Variants in TXNL4A observed in about 807,000 individuals in gnomAD.
TXNL4A encodes the protein thioredoxin like 4A.
Under a neutral mutation model 14.6 loss-of-function variants are expected in TXNL4A, and 17 were observed. That is an observed-to-expected ratio of 1.16 (90% CI 0.80 to 1.74). The LOEUF (loss-of-function observed/expected upper bound fraction) is 1.74. TXNL4A is among the 40% of genes most tolerant of loss of function. The pLI, the probability that TXNL4A is intolerant of heterozygous loss-of-function variation, is 0.00. For missense variants in TXNL4A, 74 were observed against 195.2 expected (o/e 0.38, Z 3.70); for synonymous variants, 83 against 70.6 (o/e 1.18, Z -0.88).
intron 1 of TXNL4A, among the ~76,000 whole-genome samples, chr18:80,019,543 T>C (rs1437933555): frequency 6.6e-6 from 1 of 152,184 alleles, no homozygotes; most frequent in Non-Finnish European, 1.5e-5. Flanking sequence ...GTGTTATTTA[T>C]TACCTGATAA....
At chr18:80,017,433 C>T (rs1232374368) in intron 1 of TXNL4A, among the ~76,000 whole-genome samples, 1 of 151,740 alleles carries the variant, frequency 6.6e-6, no homozygotes, top group Non-Finnish European at 1.5e-5. Flanking sequence ...GCATCCCTGT[C>T]TTGTGCCAAT....
rs567821947 is a variant in TXNL4A at position 80,015,489 on chromosome 18, C to T, written c.-61+18362G>A. 3.4e-4 allele frequency among the ~76,000 whole-genome samples: 52 copies of T among 151,822 alleles called. No individual in the cohort carries two copies. In the East Asian group the frequency reaches 8.7e-3, roughly 26 times the overall value. ...ACTCGTCATTTAGCATTAGGTATAT[C>T]TCCTAATGCTATCCCTCCCCCCTAC... On this transcript the variant is annotated intron_variant, in intron 1 of 2. Transcript: ENST00000585474.
At chr18:80,024,470 T>C (rs2051870966) in intron 1 of TXNL4A, among the ~76,000 whole-genome samples, 1 of 140,336 alleles carries the variant, frequency 7.1e-6, no homozygotes, top group Non-Finnish European at 1.7e-5. Context: ...TGCTTGTCTC[T>C]GCTTTGTGTG....
At chr18:80,027,415 C>A (rs2051891956) in intron 1 of TXNL4A, among the ~76,000 whole-genome samples, 1 of 152,032 alleles carries the variant, frequency 6.6e-6, no homozygotes, top group African/African-American at 2.4e-5. Context: ...CCCAATAGTC[C>A]CAAACCACAT....
chr18:79,995,475 G>A (rs1464986487), intron 1 of TXNL4A: 3 of 152,180 alleles, frequency 2.0e-5, no homozygotes, highest in Admixed American at 6.5e-5. Flanking sequence ...TATTTCACAC[G>A]TTTTGATAAA....
At chr18:79,987,608 T>C (rs531479579) in intron 1 of TXNL4A, among the ~76,000 whole-genome samples, 2 of 152,344 alleles carry the variant, frequency 1.3e-5, no homozygotes, top group Non-Finnish European at 2.9e-5. Flanking sequence ...GGTTATAAAA[T>C]AGTGTCCTAC....
At chr18:79,978,023 C>T (rs545105205) in intron 1 of TXNL4A, 4 of 282,974 alleles carry the variant, frequency 1.4e-5, no homozygotes, top group South Asian at 1.1e-4. Context: ...GCAGCAAACA[C>T]GCGGGAAGAT....
At chr18:79,989,959 TCACTC>T (rs1390321807), upstream of TXNL4A, among the ~76,000 whole-genome samples, 1 of 152,080 alleles carries the variant, frequency 6.6e-6, no homozygotes, top group Non-Finnish European at 1.5e-5. Context: ...TCGCACCACT[TCACTC>T]CAGCCTGGGT....
chr18:79,986,655 G>T, intron 1 of TXNL4A: 1 of 985,404 alleles, frequency 1.0e-6, no homozygotes, highest in Non-Finnish European at 1.2e-6. Context: ...AGCTGTGCTC[G>T]GATGTGATGA....
chr18:79,978,752 C>T (rs2051417984), intron 1 of TXNL4A, among the ~76,000 whole-genome samples: 1 of 152,090 alleles, frequency 6.6e-6, no homozygotes, highest in Non-Finnish European at 1.5e-5. Flanking sequence ...CCTTGGCCTC[C>T]CAAAGTGCTG....
intron 1 of TXNL4A, among the ~76,000 whole-genome samples, chr18:80,013,855 A>C (rs551581841): frequency 1.3e-5 from 2 of 151,726 alleles, no homozygotes; most frequent in Non-Finnish European, 2.9e-5. Context: ...TGAAACTAGG[A>C]ACAACAACAA....
intron 1 of TXNL4A, among the ~76,000 whole-genome samples, chr18:79,987,011 G>C (rs2051560476): frequency 6.6e-6 from 1 of 152,156 alleles, no homozygotes; most frequent in Admixed American, 6.5e-5. Context: ...CAAGTCCTCA[G>C]TGTCCAGGAG....
intron 1 of TXNL4A, among the ~76,000 whole-genome samples, chr18:79,981,270 A>G (rs544718564): frequency 6.6e-6 from 1 of 152,400 alleles, no homozygotes; most frequent in South Asian, 2.1e-4. Context: ...TGTGTACTTA[A>G]GAAAAAAGAA....
chr18:79,985,759 T>C (rs2051537638), intron 1 of TXNL4A: 1 of 152,150 alleles, frequency 6.6e-6, no homozygotes, highest in South Asian at 2.1e-4. Flanking sequence ...GGAAAAATCA[T>C]ATCAAGTCCA....
chr18:80,010,330 G>A (rs924819300), intron 1 of TXNL4A, among the ~76,000 whole-genome samples: 6 of 152,070 alleles, frequency 3.9e-5, no homozygotes, highest in South Asian at 2.1e-4. Context: ...TCGAGAACAC[G>A]TGACTCAGCT....
At chr18:80,013,030 G>A (rs1008357894) in intron 1 of TXNL4A, among the ~76,000 whole-genome samples, 11 of 150,296 alleles carry the variant, frequency 7.3e-5, no homozygotes, top group Non-Finnish European at 1.5e-4. Flanking sequence ...CCCTCGCTGC[G>A]ATCTGTTGAA....
At chr18:79,999,518 A>G (rs1426581736) in intron 1 of TXNL4A, among the ~76,000 whole-genome samples, 1 of 148,922 alleles carries the variant, frequency 6.7e-6, no homozygotes, top group Admixed American at 6.7e-5. Context: ...CCTGAGTGAC[A>G]AGAGTGAGAC....
Position 79,988,464 on chromosome 18 carries a change from C to G in TXNL4A, c.-72G>C. Reference sequence around the variant, plus strand: ...GCCCAGCGAGGTGGGCTCAGCCGGCCCCTCACTCCCCGGCCCCCGCCGCCC... The same window carrying G: ...GCCCAGCGAGGTGGGCTCAGCCGGCGCCTCACTCCCCGGCCCCCGCCGCCC... On this transcript the variant is annotated 5_prime_UTR_variant, in exon 1 of 3. Coordinates refer to ENST00000269601, the MANE Select transcript of TXNL4A (RefSeq NM_006701.5). The G allele has an allele frequency of 7.9e-7, 1 of 1,265,738 alleles. No homozygotes were observed. The highest frequency in any genetic ancestry group is 1.0e-6 in the Non-Finnish European group (1 of 1,000,962). The allele number at this position is 1,265,738 out of a possible 1,614,324, so 78.4% of individuals were successfully genotyped here. A position where few individuals can be genotyped will look rare whatever the true frequency, so the allele number is the denominator to read the frequency against.
At chr18:79,977,340 T>C (rs2051394884) in intron 2 of TXNL4A, 1 of 511,170 alleles carries the variant, frequency 2.0e-6, no homozygotes, top group South Asian at 3.2e-5. Flanking sequence ...CATCTTTCAT[T>C]GAATTACACT....
Sources: gnomAD v4.1 joint callset for allele counts (sites outside exome capture counted in the v4.1 genomes callset) on GRCh38, gnomAD v4.1.1 for gene constraint, MANE v1.5 for transcripts, NCBI Gene and HGNC (gene_info 2026-07-23, HGNC 2026-07-21) for gene names.